Variants in CDK8 observed in about 807,000 individuals in gnomAD.
CDK8 encodes cyclin dependent kinase 8, also known as cyclin-dependent kinase 8.
CDK8 carries 29 observed loss-of-function variants against 71.5 expected under a neutral mutation model. The observed-to-expected ratio is 0.41, with a 90% CI of 0.30 to 0.55. The LOEUF is 0.55. Ranked by LOEUF, CDK8 falls within the 20% of genes least tolerant of loss-of-function variation. CDK8 has a pLI of 0.37. For missense variants in CDK8, 288 were observed against 572.6 expected (o/e 0.50, Z 5.07); for synonymous variants, 161 against 192.1 (o/e 0.84, Z 1.34).
chr13:26,357,566 A>G (rs1415440241), intron 4 of CDK8, among the ~76,000 whole-genome samples: 1 of 152,168 alleles, frequency 6.6e-6, no homozygotes, highest in Non-Finnish European at 1.5e-5. Flanking sequence ...TAGTTTGACT[A>G]CCAGTCTACT....
In CDK8 at chr13:26,254,895, C is replaced by T. The variant is rs1458527584; in HGVS notation, c.128+126C>T. ...TGACTTCCTCGACGCCGGCCTCTGG[C>T]TCCGCCAGCCAGGTTTGGGGAGGAA... is the stretch of plus-strand genomic sequence containing the variant. On this transcript the variant is annotated intron_variant, in intron 1 of 12. Transcript: ENST00000381527. The surrounding 1 kb of genome is among the most constrained non-coding windows in gnomAD (Gnocchi z 6.7). 7.4e-7 allele frequency: 1 copy of T among 1,349,042 alleles called. No individual in the cohort carries two copies. Among genetic ancestry groups the T allele is most frequent in the East Asian group, 2.4e-5 (1 of 41,210 alleles). The allele number at this position is 1,349,042 out of a possible 1,614,324, so 83.6% of individuals were successfully genotyped here.
At chr13:26,336,382 G>C (rs1872983133) in intron 1 of CDK8, among the ~76,000 whole-genome samples, 1 of 152,058 alleles carries the variant, frequency 6.6e-6, no homozygotes, top group Non-Finnish European at 1.5e-5. Flanking sequence ...AACTTCTGTA[G>C]TTTTAAAAGT....
chr13:26,392,090 A>G (rs375466149), intron 6 of CDK8, among the ~76,000 whole-genome samples: 1 of 152,312 alleles, frequency 6.6e-6, no homozygotes, highest in Admixed American at 6.5e-5. Context: ...AGGGTCTGCT[A>G]TATGCACACC....
intron 1 of CDK8, among the ~76,000 whole-genome samples, chr13:26,281,319 C>T (rs950079705): frequency 6.6e-6 from 1 of 152,214 alleles, no homozygotes; most frequent in African/African-American, 2.4e-5. Flanking sequence ...GGACTCTATG[C>T]AGACATTTGC....
At chr13:26,356,817 C>T (rs1873918152) in intron 4 of CDK8, among the ~76,000 whole-genome samples, 1 of 151,690 alleles carries the variant, frequency 6.6e-6, no homozygotes, top group South Asian at 2.1e-4. Context: ...AAATATTTAC[C>T]CTATCAAAAC....
At chr13:26,288,129 AT>A (rs746487952) in intron 1 of CDK8, among the ~76,000 whole-genome samples, 1 of 151,790 alleles carries the variant, frequency 6.6e-6, no homozygotes, top group African/African-American at 2.4e-5. Context: ...TGCCCGGCTA[AT>A]TTTTTGTATT....
In CDK8 at chr13:26,354,066, C is replaced by A. The variant is rs114257722; in HGVS notation, c.456+186C>A. On this transcript the variant is annotated intron_variant, in intron 4 of 12. Transcript: ENST00000381527. ...ATGCCTCCTGCTTCTCTGACATACA[C>A]TAGATGGTATTTATTTCAAAGTGAA... 8.0e-3 allele frequency among the ~76,000 whole-genome samples: 1,223 copies of A among 152,228 alleles called. 7 individuals are homozygous for A. Among genetic ancestry groups the A allele is most frequent in the African/African-American group, 0.014 (593 of 41,530 alleles).
intron 4 of CDK8, among the ~76,000 whole-genome samples, chr13:26,374,909 C>G (rs188379483): frequency 2.2e-3 from 332 of 152,100 alleles, no homozygotes; most frequent in Non-Finnish European, 3.8e-3. Context: ...CTTTACCCAG[C>G]AATTTTAGGA....
intron 2 of CDK8, among the ~76,000 whole-genome samples, chr13:26,339,244 A>G (rs1018660168): frequency 6.6e-6 from 1 of 151,962 alleles, no homozygotes; most frequent in African/African-American, 2.4e-5. Context: ...AATGCTTTAT[A>G]ATTTTTTTAT....
chr13:26,257,368 TTAAG>T (rs1871569216), intron 1 of CDK8, among the ~76,000 whole-genome samples: 1 of 152,230 alleles, frequency 6.6e-6, no homozygotes, highest in African/African-American at 2.4e-5. Flanking sequence ...GCTTAAATTA[TTAAG>T]TTTTAGGAAA....
intron 4 of CDK8, among the ~76,000 whole-genome samples, chr13:26,380,482 T>C (rs963910405): frequency 6.6e-6 from 1 of 151,592 alleles, no homozygotes; most frequent in African/African-American, 2.4e-5. Context: ...TGCCCGGCCT[T>C]TTTTTGTATT....
rs7336601 is a variant in CDK8 at position 26,350,358 on chromosome 13, A to G, written c.315+1176A>G. Among the ~76,000 whole-genome samples, 997 of 152,270 alleles carry G rather than the reference A, an allele frequency of 6.5e-3. 10 individuals carry two copies. The highest frequency in any genetic ancestry group is 0.021 in the African/African-American group (863 of 41,544). On this transcript the variant is annotated intron_variant, in intron 3 of 12. Coordinates refer to ENST00000381527, the MANE Select transcript of CDK8 (RefSeq NM_001260.3). ...CTATGATAAGAATAGTTTTAGGCCA[A>G]GTGTAGTGGGTCACACCTGTAGTCC...
At chr13:26,350,004 C>T (rs1484019034) in intron 3 of CDK8, among the ~76,000 whole-genome samples, 1 of 152,128 alleles carries the variant, frequency 6.6e-6, no homozygotes, top group East Asian at 1.9e-4. Flanking sequence ...GTCACAATTG[C>T]CTTCCTTATT....
At chr13:26,283,896 C>CAAA (rs752553551) in intron 1 of CDK8, among the ~76,000 whole-genome samples, 2,569 of 89,368 alleles carry the variant, frequency 0.029, 109 homozygotes, top group African/African-American at 0.086. Flanking sequence ...GACTCCATCT[C>CAAA]AAAAAAAAAA....
At chr13:26,305,546 T>G (rs368817046) in intron 1 of CDK8, among the ~76,000 whole-genome samples, 2 of 152,306 alleles carry the variant, frequency 1.3e-5, no homozygotes, top group East Asian at 3.9e-4. Context: ...CCCCTTTCTC[T>G]TTCTTGTCCC....
chr13:26,369,234 C>T (rs1874534013), intron 4 of CDK8, among the ~76,000 whole-genome samples: 1 of 150,908 alleles, frequency 6.6e-6, no homozygotes, highest in African/African-American at 2.4e-5. Flanking sequence ...TGCTTGAGCC[C>T]AGGAGTTCAA....
In CDK8 at chr13:26,256,931, G is replaced by C. The variant is rs560969390; in HGVS notation, c.128+2162G>C. Among the ~76,000 whole-genome samples the C allele has an allele frequency of 8.0e-3, 1,223 of 152,028 alleles. 8 individuals carry two copies. The highest frequency in any genetic ancestry group is 0.014 in the African/African-American group (588 of 41,486). On this transcript the variant is annotated intron_variant, in intron 1 of 12. Coordinates refer to ENST00000381527, the MANE Select transcript of CDK8 (RefSeq NM_001260.3). The stretch of plus-strand genomic sequence containing the variant: ...GTTTTAGAGAGTTTTAAAATTACAG[G>C]GATTTTTTTCGGTTTGACTTCTCTT...
chr13:26,352,404 G>C (rs190788833), intron 3 of CDK8, among the ~76,000 whole-genome samples: 8 of 152,176 alleles, frequency 5.3e-5, no homozygotes, highest in Admixed American at 2.0e-4. Context: ...TTTTAGTAGA[G>C]ACGGGGTTTC....
chr13:26,276,318 G>C (rs1336958825), intron 1 of CDK8, among the ~76,000 whole-genome samples: 6 of 152,132 alleles, frequency 3.9e-5, no homozygotes, highest in Non-Finnish European at 5.9e-5. Context: ...ATTTGGGATT[G>C]ACATACATGA....
Sources: gnomAD v4.1 joint callset for allele counts (sites outside exome capture counted in the v4.1 genomes callset) on GRCh38, gnomAD v4.1.1 for gene constraint, Gnocchi (gnomAD v3.1) non-coding constraint, MANE v1.5 for transcripts, NCBI Gene and HGNC (gene_info 2026-07-23, HGNC 2026-07-21) for gene names.